MEF2C: variants seen among roughly 807,000 people sequenced by gnomAD.
The protein encoded by MEF2C is myocyte-specific enhancer factor 2C.
MEF2C carries 6 observed loss-of-function variants against 50.5 expected under a neutral mutation model. The observed-to-expected ratio is 0.12, with a 90% CI of 0.07 to 0.23. MEF2C has a LOEUF of 0.23. Among genes scored for constraint, MEF2C ranks in the 10% least tolerant of loss-of-function variants. The pLI, the probability that MEF2C is intolerant of heterozygous loss-of-function variation, is 1.00. For synonymous variants in MEF2C, 183 were observed against 228.0 expected (o/e 0.80, Z 1.78); for missense variants, 276 against 605.0 (o/e 0.46, Z 5.70).
intron 1 of MEF2C, among the ~76,000 whole-genome samples, chr5:88,892,995 A>T (rs1834754823): frequency 6.6e-6 from 1 of 152,208 alleles, no homozygotes; most frequent in Non-Finnish European, 1.5e-5. Flanking sequence ...TGTTAGACAT[A>T]TGATCAACAC....
At chr5:88,867,040 T>A (rs1437437584) in intron 1 of MEF2C, among the ~76,000 whole-genome samples, 3 of 152,194 alleles carry the variant, frequency 2.0e-5, no homozygotes, top group Admixed American at 2.0e-4. Flanking sequence ...AACGCTAATA[T>A]CGTAGCTGGA....
chr5:88,823,894 G>A lies in MEF2C; in HGVS notation c.-106C>T, dbSNP rs1809672916. ...AAACAAATCTCCTTCTTCAGCACTT[G>A]CACAGCTCAGTTCCCAAATTCCTGC... is the stretch of plus-strand genomic sequence containing the variant. On this transcript the variant is annotated 5_prime_UTR_variant, in exon 2 of 11. Coordinates refer to ENST00000504921, the MANE Select transcript of MEF2C (RefSeq NM_002397.5). 5 of 1,540,738 alleles carry A rather than the reference G, an allele frequency of 3.2e-6. No individual in the cohort carries two copies. The highest frequency in any genetic ancestry group is 1.4e-5 in the African/African-American group (1 of 72,154).
chr5:88,735,435 T>C, intron 6 of MEF2C: 1 of 985,326 alleles, frequency 1.0e-6, no homozygotes, highest in Non-Finnish European at 1.2e-6. Flanking sequence ...CTCTGACCAC[T>C]TAAAGGCACA....
rs748106924 is a variant in MEF2C at position 88,728,605 on chromosome 5, G to C, written c.988C>G (p.Leu330Val). Residue 330 changes from leucine (L) to valine (V), a missense_variant, in exon 10 of 11, where the codon CTG (leucine) becomes GTG (valine). Coordinates refer to ENST00000504921, the MANE Select transcript of MEF2C (RefSeq NM_002397.5). ...GTGTTAAACCCAGACAGAGATGACA[G>C]GTCTGCACTACTCAGAGAGTACTCT... ...GTEYSLSSAD[L>V]SSLSGFNTAS... The C allele has an allele frequency of 5.9e-6, 9 of 1,515,226 alleles. No individual in the cohort carries two copies. In the South Asian group the frequency reaches 9.2e-5, roughly 16 times the overall value. The allele number at this position is 1,515,226 out of a possible 1,614,324, so 93.9% of individuals were successfully genotyped here. A position where few individuals can be genotyped will look rare whatever the true frequency, so the allele number is the denominator to read the frequency against.
At chr5:88,841,506 CAAAAA>C (rs34552373) in intron 1 of MEF2C, among the ~76,000 whole-genome samples, 2 of 98,276 alleles carry the variant, frequency 2.0e-5, no homozygotes, top group Admixed American at 1.0e-4. Flanking sequence ...AACTTTGTCT[CAAAAA>C]AAAAAAAAAA....
At chr5:88,840,534 A>C (rs1816953771) in intron 1 of MEF2C, among the ~76,000 whole-genome samples, 1 of 152,200 alleles carries the variant, frequency 6.6e-6, no homozygotes, top group East Asian at 1.9e-4. Flanking sequence ...TGAATTTTAA[A>C]GTAAATGTTT....
At chr5:88,734,598 T>TTTTTTTTTTTTTTTTG in intron 6 of MEF2C, 4 of 883,924 alleles carry the variant, frequency 4.5e-6, no homozygotes, top group Non-Finnish European at 5.3e-6. Flanking sequence ...TTTTTTTTTT[T>TTTTTTTTTTTTTTTTG]AGCATTTTCT....
At chr5:88,808,512 T>C (rs1054870567) in intron 2 of MEF2C, among the ~76,000 whole-genome samples, 1 of 152,284 alleles carries the variant, frequency 6.6e-6, no homozygotes, top group Non-Finnish European at 1.5e-5. Context: ...GGATAATGAA[T>C]ACTTATTTAA....
At chr5:88,778,289 A>C (rs1785932557) in intron 3 of MEF2C, among the ~76,000 whole-genome samples, 1 of 152,204 alleles carries the variant, frequency 6.6e-6, no homozygotes, top group Non-Finnish European at 1.5e-5. Context: ...CTATCTGCAT[A>C]AAATGAAGCA....
At chr5:88,816,028 A>G (rs1237670147) in intron 2 of MEF2C, among the ~76,000 whole-genome samples, 1 of 152,090 alleles carries the variant, frequency 6.6e-6, no homozygotes, top group Non-Finnish European at 1.5e-5. Flanking sequence ...AAATAAAAGC[A>G]TCAGATTCTT....
intron 3 of MEF2C, among the ~76,000 whole-genome samples, chr5:88,776,219 T>A (rs1311468481): frequency 6.6e-6 from 1 of 152,170 alleles, no homozygotes; most frequent in Non-Finnish European, 1.5e-5. Flanking sequence ...GTAATATTAT[T>A]TTAAATTGAC....
intron 3 of MEF2C, among the ~76,000 whole-genome samples, chr5:88,788,383 T>C (rs2152942915): frequency 6.6e-6 from 1 of 151,360 alleles, no homozygotes; most frequent in Admixed American, 6.6e-5. Context: ...TTTTTTTTTG[T>C]ATTTTTAGTA....
chr5:88,832,708 G>T (rs1813542423), intron 1 of MEF2C, among the ~76,000 whole-genome samples: 1 of 152,124 alleles, frequency 6.6e-6, no homozygotes, highest in African/African-American at 2.4e-5. Flanking sequence ...AGAATATTTT[G>T]ATGTCAAAGC....
intron 3 of MEF2C, among the ~76,000 whole-genome samples, chr5:88,771,229 C>T (rs979057276): frequency 6.6e-6 from 1 of 152,186 alleles, no homozygotes; most frequent in African/African-American, 2.4e-5. Context: ...CAGGATACAG[C>T]CAAACTATAT....
At chr5:88,824,347 A>C in intron 1 of MEF2C, 1 of 985,122 alleles carries the variant, frequency 1.0e-6, no homozygotes, top group Non-Finnish European at 1.2e-6. Flanking sequence ...TCATTTCTGA[A>C]GGGAAAACAA....
At chr5:88,771,025 G>A (rs897736614) in intron 3 of MEF2C, among the ~76,000 whole-genome samples, 1 of 152,230 alleles carries the variant, frequency 6.6e-6, no homozygotes, top group African/African-American at 2.4e-5. Context: ...AGAAGCAAAG[G>A]CATGTCCTAC....
At chr5:88,869,520 T>C (rs1828842683) in intron 1 of MEF2C, among the ~76,000 whole-genome samples, 1 of 151,474 alleles carries the variant, frequency 6.6e-6, no homozygotes, top group Admixed American at 6.6e-5. Flanking sequence ...GATATTTAAA[T>C]ACCATGAACT....
chr5:88,747,374 A>G lies in MEF2C; in HGVS notation c.637+1696T>C, dbSNP rs1770356994. On this transcript the variant is annotated intron_variant, in intron 6 of 10. Transcript: ENST00000504921. The stretch of plus-strand genomic sequence containing the variant: ...TTTTTTTTTTTTTTTTTTGAGACGG[A>G]GTCTCGCTCTGTCGCCCAGGCTGGA... 2.8e-4 allele frequency among the ~76,000 whole-genome samples: 3 copies of G among 10,736 alleles called. 1 individual carries two copies. The highest frequency in any genetic ancestry group is 5.0e-3 in the East Asian group (1 of 202). The allele number at this position is 10,736 out of a possible 152,430, so 7.0% of individuals were successfully genotyped here.
intron 3 of MEF2C, among the ~76,000 whole-genome samples, chr5:88,767,905 C>T (rs555565046): frequency 5.3e-5 from 8 of 152,288 alleles, no homozygotes; most frequent in East Asian, 3.9e-4. Context: ...TGGATGAGAC[C>T]GCCAAGCATC....
Sources: gnomAD v4.1 joint callset for allele counts (sites outside exome capture counted in the v4.1 genomes callset) on GRCh38, gnomAD v4.1.1 for gene constraint, MANE v1.5 for transcripts, NCBI Gene and HGNC (gene_info 2026-07-23, HGNC 2026-07-21) for gene names.